RALGPS1: variants seen among roughly 807,000 people sequenced by gnomAD.
RALGPS1 encodes ras-specific guanine nucleotide-releasing factor RalGPS1.
A neutral mutation model predicts 78.8 loss-of-function variants in RALGPS1; 19 were observed. That is an observed-to-expected ratio of 0.24 (90% CI 0.17 to 0.35). The LOEUF (loss-of-function observed/expected upper bound fraction) is 0.35. RALGPS1 is among the 10% of genes least tolerant of loss of function. The pLI, the probability that RALGPS1 is intolerant of heterozygous loss-of-function variation, is 1.00. For missense variants in RALGPS1, 454 were observed against 688.3 expected (o/e 0.66, Z 3.81); for synonymous variants, 228 against 256.3 (o/e 0.89, Z 1.06).
At chr9:127,081,012 G>A (rs1564539441) in intron 8 of RALGPS1, among the ~76,000 whole-genome samples, 1 of 152,214 alleles carries the variant, frequency 6.6e-6, no homozygotes, top group Admixed American at 6.5e-5. Flanking sequence ...TTATCCTCCT[G>A]TTAAAGTACT....
intron 11 of RALGPS1, among the ~76,000 whole-genome samples, chr9:127,188,182 C>G (rs1457087774): frequency 1.5e-4 from 22 of 151,554 alleles, no homozygotes; most frequent in African/African-American, 5.3e-4. Flanking sequence ...CTGCCTCAGC[C>G]TCCTGAGTAG....
chr9:127,190,701 G>C (rs2140412217), intron 11 of RALGPS1, among the ~76,000 whole-genome samples: 1 of 152,246 alleles, frequency 6.6e-6, no homozygotes, highest in South Asian at 2.1e-4. Context: ...ATGCTACCTT[G>C]AGCATCCTTG....
At chr9:127,214,977 G>A (rs1477264324) in intron 18 of RALGPS1, 135 bp downstream of exon 18, 7 of 1,429,688 alleles carry the variant, frequency 4.9e-6, no homozygotes, top group Non-Finnish European at 6.5e-6. Context: ...CTTCTGATCA[G>A]CATCTTCCCT....
At chr9:126,972,261 A>G (rs1240288676) in intron 3 of RALGPS1, among the ~76,000 whole-genome samples, 1 of 152,222 alleles carries the variant, frequency 6.6e-6, no homozygotes, top group Non-Finnish European at 1.5e-5. Flanking sequence ...GAAACTCATC[A>G]AGCAATGGGT....
At chr9:126,931,981 G>GT (rs11331889) in intron 1 of RALGPS1, among the ~76,000 whole-genome samples, 55,730 of 148,108 alleles carry the variant, frequency 0.38, 12,007 homozygotes, top group Non-Finnish European at 0.48. Flanking sequence ...CCACAGACAT[G>GT]TTTTTTTTTT....
chr9:127,175,173 C>G (rs1470947293), intron 11 of RALGPS1, among the ~76,000 whole-genome samples: 2 of 152,216 alleles, frequency 1.3e-5, no homozygotes, highest in African/African-American at 2.4e-5. Context: ...GGAGGATGCC[C>G]AGGGTATCTG....
chr9:127,193,447 T>G (rs1588481081), intron 11 of RALGPS1, among the ~76,000 whole-genome samples: 2 of 149,000 alleles, frequency 1.3e-5, no homozygotes, highest in East Asian at 2.0e-4. Flanking sequence ...CTGTGCAGAG[T>G]GGGGTTGGGA....
At chr9:127,061,183 T>C (rs2049184910) in intron 7 of RALGPS1, among the ~76,000 whole-genome samples, 1 of 152,206 alleles carries the variant, frequency 6.6e-6, no homozygotes, top group African/African-American at 2.4e-5. Context: ...ATTTCATACC[T>C]ACTTCCTGAC....
chr9:126,915,167 G>C (rs1057408532), intron 1 of RALGPS1, among the ~76,000 whole-genome samples, 192 bp downstream of exon 1: 4 of 144,254 alleles, frequency 2.8e-5, no homozygotes, highest in Admixed American at 1.4e-4. Flanking sequence ...GCCTGCGGGT[G>C]CCCGGCGCCG....
chr9:127,194,131 AT>A (rs1301931873), intron 11 of RALGPS1, among the ~76,000 whole-genome samples: 2 of 152,230 alleles, frequency 1.3e-5, no homozygotes, highest in African/African-American at 4.8e-5. Context: ...ACCATAATAA[AT>A]TAAGTATGAG....
At chr9:127,052,777 T>A in intron 6 of RALGPS1, 70 bp from the exon 7 acceptor site, 1 of 929,928 alleles carries the variant, frequency 1.1e-6, no homozygotes, top group Admixed American at 2.0e-5. Context: ...TGACATTTGG[T>A]AACACTTGAG....
chr9:126,967,439 T>G (rs529274036), intron 3 of RALGPS1, among the ~76,000 whole-genome samples: 1 of 152,348 alleles, frequency 6.6e-6, no homozygotes, highest in South Asian at 2.1e-4. Flanking sequence ...TCCTTAGGAC[T>G]TTCACTGGGC....
Position 127,014,937 on chromosome 9 carries a change from C to T in RALGPS1, c.217-19494C>T, listed in dbSNP as rs548061240. 3.1e-4 allele frequency among the ~76,000 whole-genome samples: 47 copies of T among 152,190 alleles called. No individual in the cohort carries two copies. The South Asian group carries it at 7.1e-3, about 23-fold the overall frequency. Reference sequence around the variant, plus strand: ...ATAGTTATTTAATCTCTGTGAGCCACAGTCTTCTCATCCATCAAATGAAAT... The same window carrying T: ...ATAGTTATTTAATCTCTGTGAGCCATAGTCTTCTCATCCATCAAATGAAAT... On this transcript the variant is annotated intron_variant, in intron 4 of 18. Transcript: ENST00000259351.
intron 8 of RALGPS1, among the ~76,000 whole-genome samples, chr9:127,161,971 CT>C (rs1714628139): frequency 6.6e-6 from 1 of 152,204 alleles, no homozygotes; most frequent in Admixed American, 6.5e-5. Flanking sequence ...CTGGGCAAAG[CT>C]CTTAGTTTAG....
intron 11 of RALGPS1, among the ~76,000 whole-genome samples, chr9:127,190,115 C>T (rs1161270465): frequency 6.6e-6 from 1 of 152,218 alleles, no homozygotes; most frequent in East Asian, 1.9e-4. Flanking sequence ...CACCCCCATC[C>T]TGCCTCATTT....
chr9:127,128,684 C>G (rs1401439717), intron 8 of RALGPS1, among the ~76,000 whole-genome samples: 1 of 152,196 alleles, frequency 6.6e-6, no homozygotes, highest in Admixed American at 6.5e-5. Flanking sequence ...CCCCTCCTCT[C>G]TTGAAGGCGC....
chr9:127,178,046 T>C, intron 11 of RALGPS1: 1 of 1,479,664 alleles, frequency 6.8e-7, no homozygotes, highest in African/African-American at 1.4e-5. Context: ...CGGCCCAGGG[T>C]CCTGGGGAGG....
chr9:126,946,033 C>T (rs1331650505), intron 1 of RALGPS1, among the ~76,000 whole-genome samples: 2 of 152,134 alleles, frequency 1.3e-5, no homozygotes, highest in Admixed American at 6.5e-5. Flanking sequence ...AGGGACGGGG[C>T]GCAGCAGGGA....
chr9:127,159,867 C>CT (rs1351485157), intron 8 of RALGPS1, among the ~76,000 whole-genome samples: 1 of 152,108 alleles, frequency 6.6e-6, no homozygotes, highest in Non-Finnish European at 1.5e-5. Context: ...TGAAAGTGAT[C>CT]TTTTTAAGGC....
Sources: gnomAD v4.1 joint callset for allele counts (sites outside exome capture counted in the v4.1 genomes callset) on GRCh38, gnomAD v4.1.1 for gene constraint, MANE v1.5 for transcripts, NCBI Gene and HGNC (gene_info 2026-07-23, HGNC 2026-07-21) for gene names.